Variants in ERMARD observed in about 807,000 individuals in gnomAD.
ERMARD encodes endoplasmic reticulum membrane-associated RNA degradation protein.
ERMARD carries 71 observed loss-of-function variants against 83.9 expected under a neutral mutation model. The observed-to-expected ratio is 0.85, with a 90% confidence interval of 0.70 to 1.03. The LOEUF (loss-of-function observed/expected upper bound fraction) is 1.03. Among genes scored for constraint, ERMARD ranks in the 50% least tolerant of loss-of-function variants. The pLI, the probability that ERMARD is intolerant of heterozygous loss-of-function variation, is 0.00. For missense variants in ERMARD, 838 were observed against 810.9 expected, an observed-to-expected ratio of 1.03 and a Z score of -0.41; for synonymous variants, 284 against 298.6, an observed-to-expected ratio of 0.95 and a Z score of 0.50.
upstream of ERMARD, chr6:169,751,465 C>A (rs749829607): frequency 6.2e-7 from 1 of 1,613,560 alleles, no homozygotes; most frequent in South Asian, 1.1e-5. Context: ...CCATCTCGCT[C>A]TGTTCTCCAA....
intron 8 of ERMARD, among the ~76,000 whole-genome samples, chr6:169,761,154 G>A (rs534784952): frequency 2.4e-4 from 36 of 152,264 alleles, no homozygotes; most frequent in African/African-American, 8.7e-4. Context: ...TTCCTTAAAG[G>A]ATATTACCCT....
chr6:169,752,503 T>C (rs1790255981), intron 1 of ERMARD, among the ~76,000 whole-genome samples: 1 of 152,056 alleles, frequency 6.6e-6, no homozygotes, highest in African/African-American at 2.4e-5. Flanking sequence ...AATCAACAAA[T>C]AGTTGATGTA....
chr6:169,769,832 C>T (rs1792682714), intron 12 of ERMARD, 119 bp downstream of exon 12: 1 of 910,694 alleles, frequency 1.1e-6, no homozygotes, highest in Non-Finnish European at 1.6e-6. Flanking sequence ...GTTACAGTAT[C>T]CTCCATCAGA....
In ERMARD at chr6:169,753,977, G is replaced by A. The variant is rs776080895; in HGVS notation, c.120G>A (p.Gln40=). 1 of 1,613,572 alleles carries A rather than the reference G, an allele frequency of 6.2e-7. No homozygotes were observed. The highest frequency in any genetic ancestry group is 1.1e-5 in the South Asian group (1 of 91,034). ...ENCDINSIVT[Q]NGEVCWKTIT... is the part of the protein sequence containing the mutation. ...GTGATATCAATAGCATTGTAACTCA[G>A]AATGGTGAAGTATGCTGGAAAACAA... Residue 40 remains glutamine, a synonymous_variant, in exon 2 of 18, where the codon CAG becomes CAA. Coordinates refer to ENST00000366773, the MANE Select transcript of ERMARD (RefSeq NM_018341.3).
intron 1 of ERMARD, chr6:169,753,297 T>C (rs1285775089): frequency 6.5e-6 from 1 of 154,250 alleles, no homozygotes; most frequent in East Asian, 1.9e-4. Context: ...CTCAAATTTG[T>C]TGTTGTTTTT....
intron 17 of ERMARD, among the ~76,000 whole-genome samples, chr6:169,781,061 C>T (rs911178681): frequency 6.6e-6 from 1 of 152,150 alleles, no homozygotes; most frequent in Non-Finnish European, 1.5e-5. Context: ...TGACGGCCGT[C>T]ATGTCTGGGC....
At chr6:169,760,106 G>A (rs946386805) in intron 7 of ERMARD, 132 bp downstream of exon 7, 46 of 1,478,392 alleles carry the variant, frequency 3.1e-5, no homozygotes, top group Non-Finnish European at 3.9e-5. Context: ...GGCTTTCAGA[G>A]TTGCTTGAAG....
chr6:169,766,589 T>C (rs1217486263), intron 9 of ERMARD, 49 bp from the exon 10 acceptor site: 3 of 1,497,004 alleles, frequency 2.0e-6, no homozygotes, highest in Non-Finnish European at 2.7e-6. Flanking sequence ...TGTTAGTGTA[T>C]TTGTATTTTG....
rs777562745 is a variant in ERMARD at position 169,773,343 on chromosome 6, A to C, written c.1258A>C (p.Ile420Leu). 1.9e-6 allele frequency: 3 copies of C among 1,614,028 alleles called. No individual in the cohort carries two copies. The highest frequency in any genetic ancestry group is 2.5e-6 in the Non-Finnish European group (3 of 1,180,000). Residue 420 changes from isoleucine to leucine, a missense_variant, in exon 13 of 18, where the codon ATT becomes CTT. Physicochemically the swap from Ile to Leu is conservative, Grantham distance 5 (BLOSUM62 2). Transcript: ENST00000366773. The part of the protein sequence containing the change: ...FKEKSAVELL[I>L]SLAEGYSSRC... The stretch of plus-strand genomic sequence containing the variant: ...GGAAAAATCAGCCGTAGAATTGTTG[A>C]TTAGTCTTGCAGAAGGCTATAGTTC...
intron 1 of ERMARD, among the ~76,000 whole-genome samples, chr6:169,752,585 G>A (rs1047156452): frequency 5.9e-5 from 9 of 152,184 alleles, no homozygotes; most frequent in African/African-American, 1.9e-4. Context: ...AGAGTGGAAA[G>A]TGCAACTTCT....
At position 169,763,663 on chromosome 6, in the gene ERMARD, T is replaced by A. The variant is rs144274147; in HGVS notation, c.960+1132T>A. ...TTTTGCCCCTCTTTGTAGGCATTCCTCAATGCTCTGCCGTCAACCCCATCC... is the reference window on the plus strand; with the variant it reads ...TTTTGCCCCTCTTTGTAGGCATTCCACAATGCTCTGCCGTCAACCCCATCC... On this transcript the variant is annotated intron_variant, in intron 9 of 17. Coordinates refer to ENST00000366773, the MANE Select transcript of ERMARD (RefSeq NM_018341.3). Among the ~76,000 whole-genome samples, 5 of 152,380 alleles carry A rather than the reference T, an allele frequency of 3.3e-5. No homozygotes were observed. The East Asian group carries it at 9.6e-4, about 29-fold the overall frequency.
At position 169,761,774 on chromosome 6, in the gene ERMARD, C is replaced by G. The variant is rs138384813; in HGVS notation, c.858-655C>G. On this transcript the variant is annotated intron_variant, in intron 8 of 17. Coordinates refer to ENST00000366773, the MANE Select transcript of ERMARD (RefSeq NM_018341.3). The stretch of plus-strand genomic sequence containing the variant: ...CTCAGCTCACTGTATCCTCTGCCTC[C>G]TAGGTTCAAGTGATTCTTGTGCCTC... Among the ~76,000 whole-genome samples, 350 of 152,192 alleles carry G rather than the reference C, an allele frequency of 2.3e-3. 2 individuals carry two copies. Among genetic ancestry groups the G allele is most frequent in the African/African-American group, 7.9e-3 (328 of 41,538 alleles).
At chr6:169,764,573 C>T (rs1791966380) in intron 9 of ERMARD, among the ~76,000 whole-genome samples, 1 of 152,104 alleles carries the variant, frequency 6.6e-6, no homozygotes, top group South Asian at 2.1e-4. Context: ...TACGTGGCCC[C>T]ACTGATTATT....
chr6:169,769,751 T>A, intron 12 of ERMARD, 38 bp downstream of exon 12: 1 of 1,510,226 alleles, frequency 6.6e-7, no homozygotes. Context: ...TTAGATTAAC[T>A]CATTCAGCTA....
At chr6:169,751,617 C>T (rs929129653), upstream of ERMARD, 2 of 1,581,984 alleles carry the variant, frequency 1.3e-6, no homozygotes, top group Non-Finnish European at 1.7e-6. Context: ...CGCGCAGGCG[C>T]CTGCGTCATT....
rs762768317 is a variant in ERMARD at position 169,751,646 on chromosome 6, G to T, written c.-12G>T. The T allele has an allele frequency of 6.4e-7, 1 of 1,565,628 alleles. No individual in the cohort carries two copies. Among genetic ancestry groups the T allele is most frequent in the South Asian group, 1.2e-5 (1 of 86,446 alleles). ...CGTCATTCACGCGCGCCGCAGCGGG[G>T]CACCGGAAGTTATGGAGGTAGGGCG... is the stretch of plus-strand genomic sequence containing the variant. On this transcript the variant is annotated 5_prime_UTR_variant, in exon 1 of 18. Coordinates refer to ENST00000366773, the MANE Select transcript of ERMARD (RefSeq NM_018341.3).
intron 11 of ERMARD, among the ~76,000 whole-genome samples, chr6:169,768,878 C>T (rs528432069): frequency 6.6e-5 from 10 of 152,292 alleles, no homozygotes; most frequent in East Asian, 3.9e-4. Flanking sequence ...GAAGATATTT[C>T]GGTGACTAAT....
intron 9 of ERMARD, among the ~76,000 whole-genome samples, chr6:169,762,740 T>C (rs1170023048): frequency 1.3e-5 from 2 of 152,190 alleles, no homozygotes; most frequent in Non-Finnish European, 2.9e-5. Context: ...TTCTAAACAG[T>C]CTTTAAAACT....
At chr6:169,765,476 AGT>A (rs2128351585) in intron 9 of ERMARD, among the ~76,000 whole-genome samples, 1 of 152,290 alleles carries the variant, frequency 6.6e-6, no homozygotes. Flanking sequence ...ATCATGGGAG[AGT>A]GAGAAGGCAT....
Sources: allele counts gnomAD v4.1 joint callset (sites outside exome capture counted in the v4.1 genomes callset), GRCh38; gene constraint gnomAD v4.1.1; transcripts MANE v1.5; gene names NCBI Gene and HGNC (gene_info 2026-07-23, HGNC 2026-07-21).